The following LDLRAD4 variants were observed in gnomAD, a reference collection of about 807,000 sequenced individuals.
The protein encoded by LDLRAD4 is low-density lipoprotein receptor class A domain-containing protein 4.
Under a neutral mutation model 17.0 loss-of-function variants are expected in LDLRAD4, and 5 were observed. That is an observed-to-expected ratio of 0.29 (90% confidence interval 0.15 to 0.62). The LOEUF is 0.62. Among genes scored for constraint, LDLRAD4 ranks in the 20% least tolerant of loss-of-function variants. The pLI is 0.84. For missense variants in LDLRAD4, 340 were observed against 424.7 expected, an observed-to-expected ratio of 0.80 and a Z score of 1.75; for synonymous variants, 168 against 171.8, an observed-to-expected ratio of 0.98 and a Z score of 0.17.
chr18:13,638,486 G>T (rs2042261614), intron 4 of LDLRAD4, among the ~76,000 whole-genome samples: 1 of 152,204 alleles, frequency 6.6e-6, no homozygotes, highest in South Asian at 2.1e-4. Flanking sequence ...GAAAATAAGA[G>T]AATAAAAACA....
At chr18:13,551,255 C>A (rs2094431785) in intron 3 of LDLRAD4, among the ~76,000 whole-genome samples, 1 of 152,174 alleles carries the variant, frequency 6.6e-6, no homozygotes, top group Admixed American at 6.5e-5. Context: ...AGCGAGGGTC[C>A]CCCACAACCC....
At chr18:13,225,707 A>G (rs960673666) in intron 1 of LDLRAD4, among the ~76,000 whole-genome samples, 3 of 152,228 alleles carry the variant, frequency 2.0e-5, no homozygotes, top group Non-Finnish European at 4.4e-5. Flanking sequence ...GAAAATAAAA[A>G]TCACTGAAAT....
intron 1 of LDLRAD4, among the ~76,000 whole-genome samples, chr18:13,292,923 G>C (rs897991124): frequency 2.0e-5 from 3 of 152,234 alleles, no homozygotes; most frequent in East Asian, 3.8e-4. Context: ...GAAATGAGAC[G>C]ATGACGGAGG....
At chr18:13,413,643 T>A (rs1266693574) in intron 2 of LDLRAD4, among the ~76,000 whole-genome samples, 1 of 152,252 alleles carries the variant, frequency 6.6e-6, no homozygotes, top group East Asian at 1.9e-4. Context: ...GGGAATTCTA[T>A]TCAATCATTC....
chr18:13,359,166 G>C (rs966401249), intron 1 of LDLRAD4, among the ~76,000 whole-genome samples: 17 of 152,182 alleles, frequency 1.1e-4, no homozygotes, highest in African/African-American at 4.1e-4. Flanking sequence ...TGTGCACAAG[G>C]ACAGGCATTG....
chr18:13,579,303 T>A (rs948924005), intron 3 of LDLRAD4, among the ~76,000 whole-genome samples: 1 of 152,262 alleles, frequency 6.6e-6, no homozygotes, highest in Non-Finnish European at 1.5e-5. Flanking sequence ...TGAATTACAG[T>A]CATTTGTTTA....
At chr18:13,634,100 A>G (rs542331870) in intron 4 of LDLRAD4, among the ~76,000 whole-genome samples, 2 of 152,370 alleles carry the variant, frequency 1.3e-5, no homozygotes, top group African/African-American at 4.8e-5. Context: ...CACAGCTTAC[A>G]TCATACTTAA....
intron 1 of LDLRAD4, among the ~76,000 whole-genome samples, chr18:13,340,875 G>T (rs1478297790): frequency 2.0e-5 from 3 of 151,986 alleles, no homozygotes; most frequent in African/African-American, 4.8e-5. Flanking sequence ...TTCGTTTCTA[G>T]GTTTTTGATC....
At chr18:13,509,729 A>C (rs1373892745) in intron 3 of LDLRAD4, among the ~76,000 whole-genome samples, 1 of 152,260 alleles carries the variant, frequency 6.6e-6, no homozygotes, top group Non-Finnish European at 1.5e-5. Flanking sequence ...ATGTACAGAG[A>C]AATCTTTTGT....
intron 1 of LDLRAD4, chr18:13,239,502 C>A (rs1002911441): frequency 6.6e-6 from 1 of 152,196 alleles, no homozygotes; most frequent in African/African-American, 2.4e-5. Context: ...AGTGAATTAA[C>A]CAGGATGAAT....
At chr18:13,306,064 A>G (rs1203516938) in intron 1 of LDLRAD4, among the ~76,000 whole-genome samples, 2 of 152,250 alleles carry the variant, frequency 1.3e-5, no homozygotes, top group African/African-American at 4.8e-5. Context: ...TTGAGTTCCC[A>G]GATACCATTA....
chr18:13,310,674 T>C (rs1436668986), intron 1 of LDLRAD4, among the ~76,000 whole-genome samples: 1 of 152,106 alleles, frequency 6.6e-6, no homozygotes, highest in Non-Finnish European at 1.5e-5. Context: ...AACCTGAGGG[T>C]TCTGAGTCAC....
At chr18:13,466,627 A>G (rs1039981012) in intron 3 of LDLRAD4, among the ~76,000 whole-genome samples, 2 of 152,200 alleles carry the variant, frequency 1.3e-5, no homozygotes, top group African/African-American at 4.8e-5. Context: ...CTAGAAATAG[A>G]AGGAACTTCT....
At chr18:13,481,389 T>C (rs564937530) in intron 3 of LDLRAD4, among the ~76,000 whole-genome samples, 1 of 152,280 alleles carries the variant, frequency 6.6e-6, no homozygotes, top group South Asian at 2.1e-4. Flanking sequence ...GTGATTCAGG[T>C]TCAAAGCCTG....
At chr18:13,507,189 G>GT (rs1238333719) in intron 3 of LDLRAD4, among the ~76,000 whole-genome samples, 2 of 151,930 alleles carry the variant, frequency 1.3e-5, no homozygotes, top group African/African-American at 2.4e-5. Flanking sequence ...ATTTCAATAG[G>GT]TTTTTTGGGG....
At chr18:13,623,897 C>T (rs1186869556) in intron 4 of LDLRAD4, among the ~76,000 whole-genome samples, 6 of 152,154 alleles carry the variant, frequency 3.9e-5, no homozygotes, top group African/African-American at 9.7e-5. Context: ...GCCTGTTCCC[C>T]GTATACAGTA....
intron 1 of LDLRAD4, among the ~76,000 whole-genome samples, chr18:13,323,194 C>G (rs1336648263): frequency 6.6e-6 from 1 of 152,238 alleles, no homozygotes; most frequent in Non-Finnish European, 1.5e-5. Flanking sequence ...AGGTCTTTAT[C>G]CATTTCACTT....
intron 2 of LDLRAD4, among the ~76,000 whole-genome samples, chr18:13,416,665 A>G (rs943376767): frequency 2.6e-5 from 4 of 152,222 alleles, no homozygotes; most frequent in African/African-American, 9.6e-5. Flanking sequence ...TCATTCACTC[A>G]TTTATTTATT....
intron 2 of LDLRAD4, among the ~76,000 whole-genome samples, chr18:13,396,902 T>C (rs1315222040): frequency 6.6e-6 from 1 of 152,242 alleles, no homozygotes; most frequent in South Asian, 2.1e-4. Context: ...GCTGTAGAGA[T>C]TGTACAGAAG....
Sources: allele counts gnomAD v4.1 joint callset (sites outside exome capture counted in the v4.1 genomes callset), GRCh38; gene constraint gnomAD v4.1.1; transcripts MANE v1.5; gene names NCBI Gene and HGNC (gene_info 2026-07-23, HGNC 2026-07-21).